Variants in INPP4B observed in about 807,000 individuals in gnomAD.
The protein encoded by INPP4B is inositol polyphosphate-4-phosphatase type II B.
A neutral mutation model predicts 122.5 loss-of-function variants in INPP4B; 55 were observed. The ratio of observed to expected loss-of-function variants is 0.45; its 90% CI spans 0.36 to 0.56. The LOEUF (loss-of-function observed/expected upper bound fraction) is 0.56, where lower values mean the gene tolerates loss of function less well. INPP4B is among the 20% of genes least tolerant of loss of function. The pLI, the probability that INPP4B is intolerant of heterozygous loss-of-function variation, is 0.00. For missense variants in INPP4B, 1,000 were observed against 1,097.7 expected, an observed-to-expected ratio of 0.91 and a Z score of 1.26; for synonymous variants, 403 against 388.7, an observed-to-expected ratio of 1.04 and a Z score of -0.43.
At chr4:142,276,444 T>C (rs1907115) in intron 9 of INPP4B, among the ~76,000 whole-genome samples, 8,134 of 151,856 alleles carry the variant, frequency 0.054, 348 homozygotes, top group East Asian at 0.2. Flanking sequence ...TGAAGTATGG[T>C]TTAGTGGAAA....
chr4:142,440,410 A>G (rs1279080201), intron 3 of INPP4B, among the ~76,000 whole-genome samples: 1 of 152,232 alleles, frequency 6.6e-6, no homozygotes. Context: ...TTCTAGGCCA[A>G]CGGAGCAGCA....
chr4:142,827,898 T>G (rs1176330243), intron 1 of INPP4B, among the ~76,000 whole-genome samples: 1 of 152,124 alleles, frequency 6.6e-6, no homozygotes, highest in East Asian at 1.9e-4. Context: ...ATAAAGATTA[T>G]GGTAGTTTGT....
chr4:142,068,963 A>T (rs1193673563), intron 25 of INPP4B, among the ~76,000 whole-genome samples: 3 of 152,236 alleles, frequency 2.0e-5, no homozygotes, highest in Non-Finnish European at 4.4e-5. Flanking sequence ...AATTGAACTC[A>T]GCTCTGCACC....
chr4:142,335,263 TAAC>T (rs947245497), intron 7 of INPP4B, among the ~76,000 whole-genome samples: 25 of 152,082 alleles, frequency 1.6e-4, no homozygotes, highest in African/African-American at 3.6e-4. Context: ...AAACTTGCAA[TAAC>T]AACAACAACA....
At chr4:142,502,654 T>C (rs1479910599) in intron 2 of INPP4B, among the ~76,000 whole-genome samples, 1 of 151,886 alleles carries the variant, frequency 6.6e-6, no homozygotes, top group African/African-American at 2.4e-5. Flanking sequence ...CTAATTTTTG[T>C]ATTTTTAGTA....
intron 25 of INPP4B, 86 bp downstream of exon 25, chr4:142,081,945 C>T: frequency 2.2e-6 from 2 of 918,478 alleles, no homozygotes; most frequent in South Asian, 6.9e-5. Flanking sequence ...ATTTAGTCCT[C>T]CAATAAAATA....
At chr4:142,280,745 A>C (rs1373185985) in intron 9 of INPP4B, among the ~76,000 whole-genome samples, 1 of 152,002 alleles carries the variant, frequency 6.6e-6, no homozygotes, top group African/African-American at 2.4e-5. Context: ...AACAAACAAA[A>C]AAATCGCACA....
chr4:142,643,995 G>A lies in INPP4B; in HGVS notation c.-191+81844C>T, dbSNP rs149799414. 9.2e-3 allele frequency among the ~76,000 whole-genome samples: 1,397 copies of A among 152,074 alleles called. 20 individuals are homozygous for A. Among genetic ancestry groups the A allele is most frequent in the Non-Finnish European group, 8.3e-3 (566 of 67,986 alleles). On this transcript the variant is annotated intron_variant, in intron 2 of 25. Transcript: ENST00000262992. ...GCAGGAGGATCATTTGAGGCCAGGA[G>A]TTCCAGACTAGCCTGGGCAACATTG...
chr4:142,211,845 C>T (rs1845045226), intron 12 of INPP4B, among the ~76,000 whole-genome samples: 1 of 152,126 alleles, frequency 6.6e-6, no homozygotes, highest in Non-Finnish European at 1.5e-5. Flanking sequence ...CTGGGTGTGT[C>T]CCTATCTCAC....
At chr4:142,484,047 G>A (rs1820915982) in intron 2 of INPP4B, among the ~76,000 whole-genome samples, 1 of 151,994 alleles carries the variant, frequency 6.6e-6, no homozygotes, top group Non-Finnish European at 1.5e-5. Flanking sequence ...AACTTAAGAA[G>A]AATATTTACA....
At chr4:142,781,693 A>G (rs953203961) in intron 1 of INPP4B, among the ~76,000 whole-genome samples, 2 of 152,196 alleles carry the variant, frequency 1.3e-5, no homozygotes, top group Admixed American at 6.5e-5. Flanking sequence ...GAATTTACAC[A>G]CCCAGTGGAA....
chr4:142,233,552 A>G (rs1246437556), intron 12 of INPP4B, among the ~76,000 whole-genome samples: 2 of 152,110 alleles, frequency 1.3e-5, no homozygotes, highest in East Asian at 1.9e-4. Context: ...GTACTAAAGC[A>G]CCTGTCATTT....
At position 142,421,198 on chromosome 4, in the gene INPP4B, T is replaced by C. The variant is rs943361309; in HGVS notation, c.136+7975A>G. ...CCTGGAATGCAAATCCATTTCTATT[T>C]GTTGTCTTTATTTTTGTTGTTGAGT... On this transcript the variant is annotated intron_variant, in intron 5 of 25. Transcript: ENST00000262992. Among the ~76,000 whole-genome samples the C allele has an allele frequency of 9.2e-5, 14 of 152,290 alleles. 1 individual carries two copies. Among genetic ancestry groups the C allele is most frequent in the Admixed American group, 7.2e-4 (11 of 15,292 alleles).
intron 25 of INPP4B, among the ~76,000 whole-genome samples, chr4:142,030,761 T>A (rs1578661593): frequency 6.6e-6 from 1 of 152,308 alleles, no homozygotes; most frequent in East Asian, 1.9e-4. Context: ...TACTCTCTAC[T>A]GGCATTGCAC....
At chr4:142,677,140 G>A (rs1210852804) in intron 2 of INPP4B, among the ~76,000 whole-genome samples, 1 of 151,444 alleles carries the variant, frequency 6.6e-6, no homozygotes, top group Non-Finnish European at 1.5e-5. Flanking sequence ...TTAAACAGAT[G>A]TACAAGAAAA....
chr4:142,604,305 T>A (rs1740731917), intron 2 of INPP4B, among the ~76,000 whole-genome samples: 1 of 152,140 alleles, frequency 6.6e-6, no homozygotes, highest in Non-Finnish European at 1.5e-5. Flanking sequence ...GCTTTTCCTC[T>A]AAGAACTGGA....
rs553384116 is a variant in INPP4B at position 142,556,417 on chromosome 4, G to A, written c.-190-93691C>T. Among the ~76,000 whole-genome samples, 3 of 152,300 alleles carry A rather than the reference G, an allele frequency of 2.0e-5. No homozygotes were observed. In the South Asian group the frequency reaches 6.2e-4, roughly 32 times the overall value. On this transcript the variant is annotated intron_variant, in intron 2 of 25. Coordinates refer to ENST00000262992, the MANE Select transcript of INPP4B (RefSeq NM_001101669.3). ...GAAAAACTGTTATTTTTAAAATGAGGACATGGGTTAGAATTATGGTAATTT... is the reference window on the plus strand; with the variant it reads ...GAAAAACTGTTATTTTTAAAATGAGAACATGGGTTAGAATTATGGTAATTT...
chr4:142,507,747 G>A (rs1824203215), intron 2 of INPP4B, among the ~76,000 whole-genome samples: 1 of 152,070 alleles, frequency 6.6e-6, no homozygotes, highest in Non-Finnish European at 1.5e-5. Flanking sequence ...AGAAACTGAG[G>A]TAGGAATAGT....
chr4:142,825,443 T>A (rs541973106), intron 1 of INPP4B, among the ~76,000 whole-genome samples: 31 of 152,268 alleles, frequency 2.0e-4, no homozygotes, highest in African/African-American at 7.0e-4. Context: ...CTAGTCAACA[T>A]ATATGTGCAC....
Sources: allele counts gnomAD v4.1 joint callset (sites outside exome capture counted in the v4.1 genomes callset), GRCh38; gene constraint gnomAD v4.1.1; transcripts MANE v1.5; gene names NCBI Gene and HGNC (gene_info 2026-07-23, HGNC 2026-07-21).